GPR137C: variants seen among roughly 807,000 people sequenced by gnomAD.
GPR137C encodes the protein G protein-coupled receptor 137C.
A neutral mutation model predicts 43.4 loss-of-function variants in GPR137C; 27 were observed. That is an observed-to-expected ratio of 0.62 (90% CI 0.46 to 0.86). The LOEUF (loss-of-function observed/expected upper bound fraction) is 0.86, where lower values mean the gene tolerates loss of function less well. Among genes scored for constraint, GPR137C ranks in the 40% least tolerant of loss-of-function variants. The pLI is 0.00. For synonymous variants in GPR137C, 285 were observed against 226.9 expected (o/e 1.26, Z -2.30); for missense variants, 522 against 534.6 (o/e 0.98, Z 0.23).
chr14:52,632,340 C>G, intron 4 of GPR137C, 31 bp downstream of exon 4: 1 of 1,532,332 alleles, frequency 6.5e-7, no homozygotes, highest in Non-Finnish European at 8.9e-7. Context: ...GCCAGTCTAA[C>G]AATGTGATAA....
intron 3 of GPR137C, chr14:52,611,929 T>C: frequency 1.0e-6 from 1 of 984,528 alleles, no homozygotes; most frequent in South Asian, 4.7e-5. Context: ...CATCATCATA[T>C]TTTGACATAG....
chr14:52,579,373 AAG>A (rs1249749892), intron 1 of GPR137C, among the ~76,000 whole-genome samples: 2 of 152,322 alleles, frequency 1.3e-5, no homozygotes, highest in East Asian at 3.9e-4. Flanking sequence ...GGACTAGGGA[AAG>A]AGAGATTTAA....
At chr14:52,578,147 A>G (rs1314316751) in intron 1 of GPR137C, among the ~76,000 whole-genome samples, 3 of 152,120 alleles carry the variant, frequency 2.0e-5, no homozygotes, top group South Asian at 2.1e-4. Flanking sequence ...ATAGTGATGT[A>G]TCTTCAAATG....
At chr14:52,595,046 G>A (rs1438264376) in intron 1 of GPR137C, among the ~76,000 whole-genome samples, 2 of 152,266 alleles carry the variant, frequency 1.3e-5, no homozygotes, top group South Asian at 2.1e-4. Context: ...TTGCTTGTCT[G>A]TAAAGGATTT....
At chr14:52,587,161 T>A (rs1182786254) in intron 1 of GPR137C, among the ~76,000 whole-genome samples, 1 of 152,210 alleles carries the variant, frequency 6.6e-6, no homozygotes, top group Non-Finnish European at 1.5e-5. Flanking sequence ...AAACACTGTC[T>A]GAAAACCTAC....
intron 1 of GPR137C, among the ~76,000 whole-genome samples, chr14:52,554,228 C>T (rs1410202050): frequency 1.3e-5 from 2 of 152,114 alleles, no homozygotes; most frequent in Non-Finnish European, 2.9e-5. Context: ...TAATGTTTGC[C>T]CCAGTTGCTT....
At chr14:52,595,876 A>G (rs971178393) in intron 1 of GPR137C, among the ~76,000 whole-genome samples, 9 of 152,162 alleles carry the variant, frequency 5.9e-5, no homozygotes, top group African/African-American at 1.9e-4. Context: ...AGGATCTGCT[A>G]TCCTTTGGAG....
intron 1 of GPR137C, among the ~76,000 whole-genome samples, chr14:52,553,939 G>A (rs2038146325): frequency 6.6e-6 from 1 of 152,222 alleles, no homozygotes; most frequent in East Asian, 1.9e-4. Context: ...TAGCAGCCCC[G>A]GTGGCTCTGC....
rs373734865 is a variant in GPR137C at position 52,635,152 on chromosome 14, A to C, written c.*37A>C. The stretch of plus-strand genomic sequence containing the variant: ...AGTCATGATTCTTGAGTTGTTTTTC[A>C]TAAATGTGTATATTCAATGTGTTTA... On this transcript the variant is annotated 3_prime_UTR_variant, in exon 7 of 7. Coordinates refer to ENST00000321662, the MANE Select transcript of GPR137C (RefSeq NM_001099652.2). The C allele has an allele frequency of 1.4e-6, 2 of 1,451,776 alleles. No individual in the cohort carries two copies. Among genetic ancestry groups the C allele is most frequent in the African/African-American group, 2.9e-5 (2 of 69,290 alleles). 89.9% of individuals were successfully genotyped at this position (1,451,776 alleles called of 1,614,324 possible). A position where few individuals can be genotyped will look rare whatever the true frequency, so the allele number is the denominator to read the frequency against.
chr14:52,625,918 G>A (rs763648326), intron 3 of GPR137C, among the ~76,000 whole-genome samples: 2 of 152,086 alleles, frequency 1.3e-5, no homozygotes, highest in East Asian at 3.9e-4. Context: ...GCTTGACAAA[G>A]ATAGAGTGGC....
chr14:52,607,309 G>C (rs1006505237), intron 3 of GPR137C, among the ~76,000 whole-genome samples: 1 of 152,154 alleles, frequency 6.6e-6, no homozygotes. Context: ...GGGCTAGTTG[G>C]CTTAGAGTAT....
chr14:52,628,625 G>T (rs762603485), intron 3 of GPR137C, among the ~76,000 whole-genome samples: 1 of 151,974 alleles, frequency 6.6e-6, no homozygotes, highest in South Asian at 2.1e-4. Context: ...GTAAAACTCC[G>T]TCTCTACTAA....
chr14:52,627,907 A>C (rs1285751328), intron 3 of GPR137C, among the ~76,000 whole-genome samples: 1 of 152,224 alleles, frequency 6.6e-6, no homozygotes, highest in East Asian at 1.9e-4. Context: ...TTTCTGTGTT[A>C]ATGAAAATAT....
At chr14:52,567,007 G>A (rs1279736063) in intron 1 of GPR137C, among the ~76,000 whole-genome samples, 1 of 152,152 alleles carries the variant, frequency 6.6e-6, no homozygotes, top group Admixed American at 6.5e-5. Context: ...CAACTACTTG[G>A]GAGGCTGCGG....
intron 1 of GPR137C, among the ~76,000 whole-genome samples, chr14:52,555,325 A>G (rs569986940): frequency 1.3e-5 from 2 of 152,310 alleles, no homozygotes; most frequent in East Asian, 1.9e-4. Context: ...CATATACAAT[A>G]AAGTCCACAA....
chr14:52,631,953 C>CAAAAATAAAAAAAAAAAAA (rs2039299087), intron 3 of GPR137C, among the ~76,000 whole-genome samples: 1 of 128,960 alleles, frequency 7.8e-6, no homozygotes, highest in Non-Finnish European at 1.7e-5. Context: ...GGCAAGTTGG[C>CAAAAATAAAAAAAAAAAAA]AAAAAAAAAA....
At chr14:52,627,585 G>A (rs928782870) in intron 3 of GPR137C, among the ~76,000 whole-genome samples, 5 of 150,934 alleles carry the variant, frequency 3.3e-5, no homozygotes, top group Non-Finnish European at 7.4e-5. Context: ...GGTGGCTCAC[G>A]TCTGTAATCC....
rs899515047 is a variant in GPR137C, at chr14:52,622,557, T to C, written c.718-9603T>C. The stretch of plus-strand genomic sequence containing the variant: ...TTGGAAATAAATGCTGCCAGATGTT[T>C]TCATTGAAGTGATACACTCATTTTA... On this transcript the variant is annotated intron_variant, in intron 3 of 6. Coordinates refer to ENST00000321662, the MANE Select transcript of GPR137C (RefSeq NM_001099652.2). Among the ~76,000 whole-genome samples, 5 of 152,090 alleles carry C rather than the reference T, an allele frequency of 3.3e-5. No individual in the cohort carries two copies. In the East Asian group the frequency reaches 7.7e-4, roughly 23 times the overall value.
intron 3 of GPR137C, among the ~76,000 whole-genome samples, chr14:52,602,382 T>C (rs1474167519): frequency 6.6e-6 from 1 of 152,050 alleles, no homozygotes; most frequent in East Asian, 1.9e-4. Flanking sequence ...AAACTGACCC[T>C]GTTTCTTGTC....
Sources: gnomAD v4.1 joint callset for allele counts (sites outside exome capture counted in the v4.1 genomes callset) on GRCh38, gnomAD v4.1.1 for gene constraint, MANE v1.5 for transcripts, NCBI Gene and HGNC (gene_info 2026-07-23, HGNC 2026-07-21) for gene names.